Variants in SH2D6 observed in about 807,000 individuals in gnomAD.
The protein encoded by SH2D6 is SH2 domain containing 6.
Under a neutral mutation model 30.2 loss-of-function variants are expected in SH2D6, and 31 were observed. The ratio of observed to expected loss-of-function variants is 1.03; its 90% CI spans 0.77 to 1.38. The LOEUF is 1.38. Among genes scored for constraint, SH2D6 ranks in the 40% most tolerant of loss-of-function variants. The pLI is 0.00. For missense variants in SH2D6, 240 were observed against 266.8 expected (o/e 0.90, Z 0.70); for synonymous variants, 93 against 104.6 (o/e 0.89, Z 0.68).
chr2:85,422,358 A>G (rs1687777858), intron 3 of SH2D6, 44 bp downstream of exon 3: 1 of 152,150 alleles, frequency 6.6e-6, no homozygotes, highest in Admixed American at 6.5e-5. Flanking sequence ...ATTAAAAAGA[A>G]TGCTCTCTCT....
At chr2:85,432,961 C>G in intron 14 of SH2D6, 138 bp from the exon 15 acceptor site, 1 of 647,378 alleles carries the variant, frequency 1.5e-6, no homozygotes, top group Non-Finnish European at 1.9e-6. Context: ...AAGCTTTCTC[C>G]TGGGGCTTCA....
At position 85,434,383 on chromosome 2, in the gene SH2D6, T is replaced by A. The variant is rs994224503; in HGVS notation, c.564+13T>A. ...GGAAACTCGGAATGTAAGAGGCTGA[T>A]GGTCAGGGGAGAAGAGAGGGAGGCA... On this transcript the variant is annotated intron_variant, in intron 18 of 23. Coordinates refer to ENST00000469800, the MANE Select transcript of SH2D6 (RefSeq NM_001394463.1). The A allele has an allele frequency of 1.3e-6, 2 of 1,550,136 alleles. No homozygotes were observed. Among genetic ancestry groups the A allele is most frequent in the African/African-American group, 2.7e-5 (2 of 73,112 alleles).
chr2:85,432,106 A>G (rs571592119), intron 14 of SH2D6, 147 bp downstream of exon 14: 1 of 152,470 alleles, frequency 6.6e-6, no homozygotes, highest in African/African-American at 2.4e-5. Context: ...TAACCTACCA[A>G]TCCTCTAAGG....
At chr2:85,419,853 T>C (rs925416084) in intron 2 of SH2D6, among the ~76,000 whole-genome samples, 2 of 152,236 alleles carry the variant, frequency 1.3e-5, no homozygotes, top group African/African-American at 4.8e-5. Flanking sequence ...TCAAAGTAGA[T>C]TGCCCAGATT....
Position 85,434,839 on chromosome 2 carries a change from T to C in SH2D6, c.590-226T>C, listed in dbSNP as rs375237889. On this transcript the variant is annotated intron_variant, in intron 19 of 23. Transcript: ENST00000469800. ...ACCAAATCAGGAAGCTCCTAGTCTG[T>C]GCCCCAAGATCACGCCTCATTTGGA... 5.6e-5 allele frequency: 84 copies of C among 1,489,364 alleles called. 1 individual carries two copies. The East Asian group carries it at 1.9e-3, about 33-fold the overall frequency. The allele number at this position is 1,489,364 out of a possible 1,614,324, so 92.3% of individuals were successfully genotyped here. A position where few individuals can be genotyped will look rare whatever the true frequency, so the allele number is the denominator to read the frequency against.
chr2:85,430,957 C>T lies in SH2D6; in HGVS notation c.251-253C>T, dbSNP rs968424403. Among the ~76,000 whole-genome samples the T allele has an allele frequency of 6.6e-6, 1 of 152,158 alleles. No homozygotes were observed. The highest frequency in any genetic ancestry group is 1.5e-5 in the Non-Finnish European group (1 of 68,014). ...TCTGAGATCCCAACACTTCTTCAGG[C>T]CAAGGGCGGGGGTGCTGGGAGAGCC... On this transcript the variant is annotated intron_variant, in intron 12 of 23. Transcript: ENST00000469800. This position sits in a 1 kb window ranked among gnomAD's most constrained non-coding sequence, Gnocchi z 4.3.
intron 13 of SH2D6, 38 bp from the exon 14 acceptor site, chr2:85,431,861 C>G (rs1688691219): frequency 1.3e-5 from 2 of 152,760 alleles, no homozygotes; most frequent in Admixed American, 6.5e-5. Flanking sequence ...GCCTCCTGCT[C>G]TCACCATCTG....
Position 85,433,578 on chromosome 2 carries a change from G to T in SH2D6, c.401G>T (p.Gly134Val). The T allele has an allele frequency of 1.0e-6, 1 of 998,720 alleles. No homozygotes were observed. The highest frequency in any genetic ancestry group is 1.2e-6 in the Non-Finnish European group (1 of 838,156). 61.9% of individuals were successfully genotyped at this position (998,720 alleles called of 1,614,324 possible). Residue 134 changes from glycine (G) to valine (V), a missense_variant, in exon 16 of 24, where the codon GGC becomes GTC. Transcript: ENST00000469800. ...EQGASSRVVP[G>V]PPKKPDEDLY... is the part of the protein sequence containing the mutation. The stretch of plus-strand genomic sequence containing the variant: ...CACCCCTCCCTACCTTAGGTGCCAG[G>T]CCCTCCAAAGAAACCTGATGAGGAC...
chr2:85,425,365 C>T lies in SH2D6; in HGVS notation c.-251C>T, dbSNP rs1687955721. ...GCAACCTCCGCCTCCTGGGTTCAAGCTATTCTCCTGCCTCAACAACCTCCT... is the reference window on the plus strand; with the variant it reads ...GCAACCTCCGCCTCCTGGGTTCAAGTTATTCTCCTGCCTCAACAACCTCCT... On this transcript the variant is annotated 5_prime_UTR_variant, in exon 6 of 24. Transcript: ENST00000469800. The T allele has an allele frequency of 6.7e-6, 1 of 148,150 alleles. No individual in the cohort carries two copies. Among genetic ancestry groups the T allele is most frequent in the African/African-American group, 2.5e-5 (1 of 40,038 alleles). 9.2% of individuals were successfully genotyped at this position (148,150 alleles called of 1,614,324 possible). A position where few individuals can be genotyped will look rare whatever the true frequency, so the allele number is the denominator to read the frequency against.
At chr2:85,424,020 T>G (rs1278623795) in intron 5 of SH2D6, among the ~76,000 whole-genome samples, 1 of 152,196 alleles carries the variant, frequency 6.6e-6, no homozygotes. Context: ...CACATGCAGC[T>G]CCCTGCCCTG....
intron 15 of SH2D6, 71 bp from the exon 16 acceptor site, chr2:85,433,499 CA>C: frequency 1.2e-6 from 1 of 859,816 alleles, no homozygotes. Context: ...GCTCCTCCCC[CA>C]AAACCCCAGT....
At chr2:85,432,414 T>G (rs55634302) in intron 14 of SH2D6, among the ~76,000 whole-genome samples, 24,632 of 150,284 alleles carry the variant, frequency 0.16, 2,252 homozygotes, top group East Asian at 0.28. Flanking sequence ...GTTTTGTTTT[T>G]TTTTTGAGAC....
rs1002490161 is a variant in SH2D6, at chr2:85,436,512, C to G, written c.938C>G (p.Pro313Arg). Reference sequence around the variant, plus strand: ...ATGGTCCAGCACTTCATGTGGCACCCTCTGCCCCTTGTGGACAGACACAGC... The same window carrying G: ...ATGGTCCAGCACTTCATGTGGCACCGTCTGCCCCTTGTGGACAGACACAGC... ...AAMVQHFMWHPLPLVDRHSGS... is the reference protein window; with the variant it reads ...AAMVQHFMWHRLPLVDRHSGS... The change falls in exon 23 of 24, where the codon CCT becomes CGT. Residue 313 changes from proline to arginine, a missense_variant. Coordinates refer to ENST00000469800, the MANE Select transcript of SH2D6 (RefSeq NM_001394463.1). The G allele has an allele frequency of 6.2e-7, 1 of 1,613,656 alleles. No homozygotes were observed. The highest frequency in any genetic ancestry group is 1.7e-5 in the Admixed American group (1 of 60,002).
At chr2:85,420,135 C>G (rs979415013) in intron 2 of SH2D6, among the ~76,000 whole-genome samples, 1 of 152,186 alleles carries the variant, frequency 6.6e-6, no homozygotes, top group Non-Finnish European at 1.5e-5. Context: ...GACAGAGTCT[C>G]GCTCTGTCTC....
intron 16 of SH2D6, 126 bp from the exon 17 acceptor site, chr2:85,433,907 G>A (rs1399671073): frequency 3.5e-6 from 3 of 868,798 alleles, no homozygotes; most frequent in African/African-American, 1.7e-5. Context: ...CTGGTTGGAA[G>A]CACTCCCAGA....
chr2:85,433,671 G>A, intron 16 of SH2D6, 40 bp downstream of exon 16: 1 of 1,045,682 alleles, frequency 9.6e-7, no homozygotes, highest in Non-Finnish European at 1.2e-6. Context: ...CCTGCCCGAG[G>A]CCCTCAGCTG....
At chr2:85,436,692 C>G in intron 23 of SH2D6, 98 bp downstream of exon 23, 1 of 899,934 alleles carries the variant, frequency 1.1e-6, no homozygotes, top group Non-Finnish European at 1.8e-6. Flanking sequence ...TAGCCTTTCC[C>G]AGTGCCCACA....
chr2:85,434,969 C>T (rs752709766), intron 19 of SH2D6, 96 bp from the exon 20 acceptor site: 15 of 1,586,798 alleles, frequency 9.5e-6, no homozygotes, highest in African/African-American at 2.7e-5. Context: ...TACGCCTCCT[C>T]CTACCCCCCA....
intron 19 of SH2D6, 23 bp downstream of exon 19, chr2:85,434,520 G>A: frequency 6.5e-7 from 1 of 1,549,618 alleles, no homozygotes; most frequent in Middle Eastern, 1.7e-4. Flanking sequence ...TGGTCCAAAG[G>A]TAGTGAGTTA....
Sources: allele counts gnomAD v4.1 joint callset (sites outside exome capture counted in the v4.1 genomes callset), GRCh38; gene constraint gnomAD v4.1.1; non-coding constraint Gnocchi (gnomAD v3.1); transcripts MANE v1.5; gene names NCBI Gene and HGNC (gene_info 2026-07-23, HGNC 2026-07-21).